DTX2: variants seen among roughly 807,000 people sequenced by gnomAD.
DTX2 encodes the protein deltex E3 ubiquitin ligase 2, also known as probable E3 ubiquitin-protein ligase DTX2.
In DTX2, 29 loss-of-function variants were observed where a neutral mutation model predicts 55.3. That is an observed-to-expected ratio of 0.52 (90% CI 0.39 to 0.71). The LOEUF (loss-of-function observed/expected upper bound fraction) is 0.71. Ranked by LOEUF, DTX2 falls within the 30% of genes least tolerant of loss-of-function variation. The pLI is 0.00. For missense variants in DTX2, 537 were observed against 822.5 expected, an observed-to-expected ratio of 0.65 and a Z score of 4.25; for synonymous variants, 276 against 340.4, an observed-to-expected ratio of 0.81 and a Z score of 2.08.
At chr7:76,491,718 CTG>C in intron 4 of DTX2, among the ~76,000 whole-genome samples, 1 of 111,698 alleles carries the variant, frequency 9.0e-6, no homozygotes, top group Non-Finnish European at 1.8e-5. Flanking sequence ...GGGTCTCACT[CTG>C]TCGCCCAGGC....
intron 2 of DTX2, among the ~76,000 whole-genome samples, chr7:76,468,137 C>T (rs1807384810): frequency 6.6e-6 from 1 of 152,298 alleles, no homozygotes; most frequent in Non-Finnish European, 1.5e-5. Flanking sequence ...GTTATCAACG[C>T]CCGGTGTGGC....
chr7:76,481,592 C>T (rs1408526998), intron 3 of DTX2, among the ~76,000 whole-genome samples: 11 of 150,894 alleles, frequency 7.3e-5, no homozygotes, highest in South Asian at 2.2e-4. Context: ...ATTTTGTCCC[C>T]GGGGCCATCT....
chr7:76,484,043 G>T, intron 4 of DTX2, among the ~76,000 whole-genome samples: 1 of 142,628 alleles, frequency 7.0e-6, no homozygotes, highest in Admixed American at 7.0e-5. Flanking sequence ...CTAGGTGACA[G>T]AGCGAGACCC....
Position 76,503,534 on chromosome 7 carries a change from C to G in DTX2, c.1498C>G (p.His500Asp). ...VLRFQMSLPG[H>D]EDCGTILIVY... ...ACGGTTCCAGATGTCGCTCCCCGGC[C>G]ACGAGGACTGCGGGACCATCCTCAT... Residue 500 changes from histidine (H) to aspartate (D), a missense_variant, in exon 9 of 11, where the codon CAC becomes GAC. His to Asp is a moderately conservative substitution (Grantham distance 81). Coordinates refer to ENST00000430490, the MANE Select transcript of DTX2 (RefSeq NM_001102594.3). 1 of 1,612,804 alleles carries G rather than the reference C, an allele frequency of 6.2e-7. No individual in the cohort carries two copies. Among genetic ancestry groups the G allele is most frequent in the Non-Finnish European group, 8.5e-7 (1 of 1,179,862 alleles).
At chr7:76,487,023 T>C (rs1178448285) in intron 4 of DTX2, among the ~76,000 whole-genome samples, 6 of 95,254 alleles carry the variant, frequency 6.3e-5, no homozygotes, top group Admixed American at 2.7e-4. Flanking sequence ...TTCTTCTCTA[T>C]TTTTTTCTTC....
rs141532437 is a variant in DTX2 at position 76,465,038 on chromosome 7, A to C, written c.-90+1329A>C. On this transcript the variant is annotated intron_variant, in intron 2 of 10. Coordinates refer to ENST00000430490, the MANE Select transcript of DTX2 (RefSeq NM_001102594.3). ...CTGCTCAACTTCACCTCCCAGGCTCAAGAGGTTCTTGTGCCTCAGCTTCCC... is the reference window on the plus strand; with the variant it reads ...CTGCTCAACTTCACCTCCCAGGCTCCAGAGGTTCTTGTGCCTCAGCTTCCC... 0.013 allele frequency among the ~76,000 whole-genome samples: 1,959 copies of C among 150,828 alleles called. 99 individuals are homozygous for C. The East Asian group carries it at 0.13, about 10-fold the overall frequency.
chr7:76,498,724 A>G (rs1811220463), intron 6 of DTX2, among the ~76,000 whole-genome samples: 1 of 83,270 alleles, frequency 1.2e-5, no homozygotes. Flanking sequence ...GGCGACCCTG[A>G]GCTGGGGGCC....
At position 76,496,479 on chromosome 7, in the gene DTX2, C is replaced by T. The variant is rs1221355403; in HGVS notation, c.1010-858C>T. 2.5e-5 allele frequency among the ~76,000 whole-genome samples: 2 copies of T among 79,072 alleles called. 1 individual carries two copies. Among genetic ancestry groups the T allele is most frequent in the African/African-American group, 1.4e-4 (2 of 14,568 alleles). 51.9% of individuals were successfully genotyped at this position (79,072 alleles called of 152,430 possible). A position where few individuals can be genotyped will look rare whatever the true frequency, so the allele number is the denominator to read the frequency against. ...AGGAGGTGCTTTTGACCTAACTGAC[C>T]GATGACAGGGAGGACCGGGGAGCTG... On this transcript the variant is annotated intron_variant, in intron 5 of 10. Coordinates refer to ENST00000430490, the MANE Select transcript of DTX2 (RefSeq NM_001102594.3).
At chr7:76,483,248 G>A in intron 4 of DTX2, 101 bp downstream of exon 4, 2 of 1,404,736 alleles carry the variant, frequency 1.4e-6, no homozygotes, top group Non-Finnish European at 1.9e-6. Flanking sequence ...TGCCCCCTAG[G>A]TGGTCCTGCC....
At chr7:76,501,370 C>T (rs1358485417) in intron 7 of DTX2, 31 of 442,562 alleles carry the variant, frequency 7.0e-5, no homozygotes, top group South Asian at 4.5e-4. Flanking sequence ...GCCACATTCC[C>T]GCCTGCCCAG....
chr7:76,483,113 C>T lies in DTX2; in HGVS notation c.874C>T (p.Leu292=). 6.2e-7 allele frequency: 1 copy of T among 1,612,658 alleles called. No individual in the cohort carries two copies. The highest frequency in any genetic ancestry group is 8.5e-7 in the Non-Finnish European group (1 of 1,179,734). Residue 292 remains leucine (L), a synonymous_variant, in exon 4 of 11, where the codon CTG becomes TTG. Coordinates refer to ENST00000430490, the MANE Select transcript of DTX2 (RefSeq NM_001102594.3). ...SSLSHLGPQH[L]PPGSSTSGAV... Reference sequence around the variant, plus strand: ...CCTCTCCCACCTGGGACCGCAGCACCTGCCCCCAGGATCCTCCACCTCCGG... The same window carrying T: ...CCTCTCCCACCTGGGACCGCAGCACTTGCCCCCAGGATCCTCCACCTCCGG...
chr7:76,505,671 G>C lies in DTX2; in HGVS notation c.*70G>C, dbSNP rs1400477858. ...CCATGGCTGGCTGGGTGGCCAGGCA[G>C]GAAGTGCCCAGCCCGAGAGGCTGGG... On this transcript the variant is annotated 3_prime_UTR_variant, in exon 11 of 11. Coordinates refer to ENST00000430490, the MANE Select transcript of DTX2 (RefSeq NM_001102594.3). This position sits in a 1 kb window ranked among gnomAD's most constrained non-coding sequence, Gnocchi z 4.4. 4.1e-6 allele frequency: 6 copies of C among 1,473,344 alleles called. No individual in the cohort carries two copies. The highest frequency in any genetic ancestry group is 1.7e-4 in the Middle Eastern group (1 of 5,782). 91.3% of individuals were successfully genotyped at this position (1,473,344 alleles called of 1,614,324 possible).
At chr7:76,481,436 C>T (rs567779132) in intron 3 of DTX2, among the ~76,000 whole-genome samples, 6 of 152,276 alleles carry the variant, frequency 3.9e-5, no homozygotes, top group Admixed American at 2.6e-4. Flanking sequence ...ATCTGCCTGC[C>T]TCGGCCTCCC....
Position 76,505,356 on chromosome 7 carries a change from C to G in DTX2, c.1642-18C>G, listed in dbSNP as rs73140090. 88,623 of 1,553,314 alleles carry G rather than the reference C, an allele frequency of 0.057. 2,954 individuals carry two copies. The highest frequency in any genetic ancestry group is 0.068 in the Non-Finnish European group (77,582 of 1,146,972). On this transcript the variant is annotated intron_variant, in intron 10 of 10. Coordinates refer to ENST00000430490, the MANE Select transcript of DTX2 (RefSeq NM_001102594.3). This position sits in a 1 kb window ranked among gnomAD's most constrained non-coding sequence, Gnocchi z 4.4. Reference sequence around the variant, plus strand: ...CTCCGTCCCCTCCTTCCTCTTCCCCCTCCTCCTCCCCGGGCAGGTCCTAGA... The same window carrying G: ...CTCCGTCCCCTCCTTCCTCTTCCCCGTCCTCCTCCCCGGGCAGGTCCTAGA...
Position 76,503,484 on chromosome 7 carries a change from A to G in DTX2, c.1448A>G (p.Gln483Arg), listed in dbSNP as rs1811967703. 1 of 1,613,052 alleles carries G rather than the reference A, an allele frequency of 6.2e-7. No individual in the cohort carries two copies. Among genetic ancestry groups the G allele is most frequent in the Non-Finnish European group, 8.5e-7 (1 of 1,179,950 alleles). Residue 483 changes from glutamine to arginine, a missense_variant, in exon 9 of 11, where the codon CAG (glutamine) becomes CGG (arginine). Physicochemically the swap from Gln to Arg is conservative, Grantham distance 43 (BLOSUM62 1). Around this residue, in one of 7 missense-constraint regions of DTX2, gnomAD observed 121 missense variants for 136.8 expected, o/e 0.88. Transcript: ENST00000430490. Reference sequence around the variant, plus strand: ...ATCTATGGAGAGAAGACGGGGACCCAGCCCCAGGGAAAGATGGAGGTATTA... The same window carrying G: ...ATCTATGGAGAGAAGACGGGGACCCGGCCCCAGGGAAAGATGGAGGTATTA... The part of the protein sequence containing the change: ...KTIYGEKTGT[Q>R]PQGKMEVLRF...
At chr7:76,473,007 A>G (rs1480275068) in intron 2 of DTX2, among the ~76,000 whole-genome samples, 3 of 151,996 alleles carry the variant, frequency 2.0e-5, no homozygotes, top group African/African-American at 4.8e-5. Context: ...GTTTTTTTTA[A>G]TAAATAGAGA....
At chr7:76,496,922 T>TGGAGGCCTAGTAACTCCAAGCCA (rs1190010775) in intron 5 of DTX2, among the ~76,000 whole-genome samples, 1 of 107,246 alleles carries the variant, frequency 9.3e-6, no homozygotes, top group Non-Finnish European at 1.8e-5. Context: ...CAGTGGAGGC[T>TGGAGGCCTAGTAACTCCAAGCCA]GGAGGCCTAG....
At position 76,503,551 on chromosome 7, in the gene DTX2, C is replaced by T. The variant is rs143601393; in HGVS notation, c.1515C>T (p.Thr505=). 18 of 1,612,590 alleles carry T rather than the reference C, an allele frequency of 1.1e-5. No individual in the cohort carries two copies. The African/African-American group carries it at 2.4e-4, about 21-fold the overall frequency. The change falls in exon 9 of 11, where the codon ACC becomes ACT. Residue 505 remains threonine (T), a synonymous_variant. Transcript: ENST00000430490. ...MSLPGHEDCG[T]ILIVYSIPHG... ...TCCCCGGCCACGAGGACTGCGGGACCATCCTCATAGTTTACAGCATTCCCC... is the reference window on the plus strand; with the variant it reads ...TCCCCGGCCACGAGGACTGCGGGACTATCCTCATAGTTTACAGCATTCCCC...
At chr7:76,495,452 G>T in intron 5 of DTX2, among the ~76,000 whole-genome samples, 1 of 152,182 alleles carries the variant, frequency 6.6e-6, no homozygotes, top group South Asian at 2.1e-4. Flanking sequence ...TGTTTTGGGG[G>T]CTGTCAGGAG....
Sources: allele counts gnomAD v4.1 joint callset (sites outside exome capture counted in the v4.1 genomes callset), GRCh38; gene constraint gnomAD v4.1.1; regional missense constraint gnomAD v4.1.1; non-coding constraint Gnocchi (gnomAD v3.1); transcripts MANE v1.5; gene names NCBI Gene and HGNC (gene_info 2026-07-23, HGNC 2026-07-21).